FYB1: variants seen among roughly 807,000 people sequenced by gnomAD.
FYB1 encodes FYN binding protein 1.
FYB1 carries 41 observed loss-of-function variants against 94.1 expected under a neutral mutation model. The ratio of observed to expected loss-of-function variants is 0.44; its 90% CI spans 0.34 to 0.57. The LOEUF (loss-of-function observed/expected upper bound fraction) is 0.57, where lower values mean the gene tolerates loss of function less well. Among genes scored for constraint, FYB1 ranks in the 20% least tolerant of loss-of-function variants. FYB1 has a pLI of 0.02. For missense variants in FYB1, 1,050 were observed against 976.8 expected, an observed-to-expected ratio of 1.07 and a Z score of -1.00; for synonymous variants, 367 against 353.2, an observed-to-expected ratio of 1.04 and a Z score of -0.44.
At chr5:39,244,778 T>C (rs1022316603) in intron 1 of FYB1, among the ~76,000 whole-genome samples, 2 of 152,188 alleles carry the variant, frequency 1.3e-5, no homozygotes, top group African/African-American at 4.8e-5. Context: ...CCTGGACTTT[T>C]TTTGGTTGGT....
intron 16 of FYB1, among the ~76,000 whole-genome samples, chr5:39,114,208 T>C (rs1260938467): frequency 6.6e-6 from 1 of 152,152 alleles, no homozygotes; most frequent in East Asian, 1.9e-4. Flanking sequence ...GAAAATTTTT[T>C]TCAGTGACAG....
chr5:39,244,412 C>A (rs1751372260), intron 1 of FYB1, among the ~76,000 whole-genome samples: 1 of 150,824 alleles, frequency 6.6e-6, no homozygotes, highest in South Asian at 2.1e-4. Context: ...TGTTTTTTGT[C>A]TTTGGTTCTG....
chr5:39,182,211 A>G (rs1746306156), intron 2 of FYB1, among the ~76,000 whole-genome samples: 1 of 151,854 alleles, frequency 6.6e-6, no homozygotes, highest in Non-Finnish European at 1.5e-5. Context: ...TCATCTTCTT[A>G]TCATTCCTCA....
intron 1 of FYB1, among the ~76,000 whole-genome samples, chr5:39,213,536 A>G (rs1179847135): frequency 1.3e-5 from 2 of 152,228 alleles, no homozygotes; most frequent in Non-Finnish European, 2.9e-5. Flanking sequence ...AGAGCAAGGC[A>G]TGGGGTTTAT....
At chr5:39,133,630 T>C (rs1371902049) in intron 9 of FYB1, among the ~76,000 whole-genome samples, 1 of 152,060 alleles carries the variant, frequency 6.6e-6, no homozygotes, top group Non-Finnish European at 1.5e-5. Flanking sequence ...ATTCTGTTCC[T>C]CTATACCAGG....
chr5:39,230,527 ATATATATG>A (rs1750675298), intron 1 of FYB1, among the ~76,000 whole-genome samples: 1 of 152,006 alleles, frequency 6.6e-6, no homozygotes, highest in African/African-American at 2.4e-5. Flanking sequence ...GTCACAGCAT[ATATATATG>A]TATATATGTA....
chr5:39,224,314 C>T (rs193179780), upstream of FYB1, among the ~76,000 whole-genome samples: 51 of 152,180 alleles, frequency 3.4e-4, no homozygotes, highest in Non-Finnish European at 5.4e-4. Context: ...ACAGTCCTGA[C>T]GGTTTCCCTT....
Position 39,256,887 on chromosome 5 carries a change from C to G in FYB1, c.-28+17516G>C, listed in dbSNP as rs80112922. ...AAAGTGAATGTAACTACTTTTATTT[C>G]AAAGTTGCAATGAGTAAAAGTGATG... On this transcript the variant is annotated intron_variant, in intron 1 of 1. Coordinates refer to the FYB1 transcript ENST00000510188. Among the ~76,000 whole-genome samples the G allele has an allele frequency of 1.5e-3, 229 of 152,252 alleles. 5 individuals carry two copies. In the East Asian group the frequency reaches 0.037, roughly 25 times the overall value.
chr5:39,109,465 T>C lies in FYB1; in HGVS notation c.2435+891A>G, dbSNP rs148812112. Among the ~76,000 whole-genome samples, 1,070 of 152,194 alleles carry C rather than the reference T, an allele frequency of 7.0e-3. 57 individuals carry two copies. In the East Asian group the frequency reaches 0.13, roughly 18 times the overall value. Reference sequence around the variant, plus strand: ...CATTCTGTCCTTAAAATTTGTATCTTTCATAGAACAAAACCTATTGAAAGT... The same window carrying C: ...CATTCTGTCCTTAAAATTTGTATCTCTCATAGAACAAAACCTATTGAAAGT... On this transcript the variant is annotated intron_variant, in intron 17 of 18. Transcript: ENST00000512982.
intron 1 of FYB1, among the ~76,000 whole-genome samples, chr5:39,267,105 G>A (rs1305327216): frequency 6.6e-6 from 1 of 152,152 alleles, no homozygotes; most frequent in African/African-American, 2.4e-5. Context: ...AGAAAACAGG[G>A]GGAATAGGAA....
At chr5:39,203,210 G>T (rs61103300) in intron 1 of FYB1, among the ~76,000 whole-genome samples, 1 of 151,900 alleles carries the variant, frequency 6.6e-6, no homozygotes, top group Admixed American at 6.6e-5. Context: ...TGCTTATCTC[G>T]GACTGACTTG....
chr5:39,125,889 G>T, intron 12 of FYB1, 109 bp downstream of exon 12: 1 of 1,089,036 alleles, frequency 9.2e-7, no homozygotes. Flanking sequence ...GCATTAAGAT[G>T]ATTTAAGTCT....
chr5:39,164,508 T>C (rs1031388732), intron 2 of FYB1, among the ~76,000 whole-genome samples: 1 of 152,154 alleles, frequency 6.6e-6, no homozygotes, highest in African/African-American at 2.4e-5. Flanking sequence ...GACTGCAACA[T>C]CCACTTCCCA....
intron 1 of FYB1, among the ~76,000 whole-genome samples, chr5:39,204,112 T>C (rs1748625270): frequency 6.6e-6 from 1 of 152,090 alleles, no homozygotes; most frequent in Non-Finnish European, 1.5e-5. Flanking sequence ...CCCAGGCACA[T>C]TTCATCTTTC....
intron 2 of FYB1, among the ~76,000 whole-genome samples, chr5:39,177,435 T>C (rs1209312541): frequency 6.6e-6 from 1 of 152,140 alleles, no homozygotes; most frequent in Non-Finnish European, 1.5e-5. Flanking sequence ...AATGAGAAGG[T>C]GGTCAAAGAA....
intron 2 of FYB1, among the ~76,000 whole-genome samples, chr5:39,191,273 A>G (rs560329019): frequency 1.3e-4 from 20 of 152,264 alleles, no homozygotes; most frequent in African/African-American, 3.9e-4. Flanking sequence ...AAGAGAAGAG[A>G]AGCGTGTCCC....
At chr5:39,156,451 A>T (rs186776931) in intron 2 of FYB1, among the ~76,000 whole-genome samples, 8 of 152,338 alleles carry the variant, frequency 5.3e-5, no homozygotes, top group African/African-American at 1.9e-4. Flanking sequence ...GAAGCAGGGC[A>T]AGAGATGGAA....
At chr5:39,153,329 G>T in intron 3 of FYB1, 119 bp downstream of exon 3, 1 of 1,253,094 alleles carries the variant, frequency 8.0e-7, no homozygotes, top group Non-Finnish European at 1.2e-6. Flanking sequence ...CTCCCTGCCA[G>T]CTGCCCACTT....
chr5:39,246,285 A>C (rs187606091), intron 1 of FYB1, among the ~76,000 whole-genome samples: 4 of 152,266 alleles, frequency 2.6e-5, no homozygotes, highest in Admixed American at 2.6e-4. Context: ...CTAACCCATA[A>C]AATTGTAGAT....
Sources: gnomAD v4.1 joint callset for allele counts (sites outside exome capture counted in the v4.1 genomes callset) on GRCh38, gnomAD v4.1.1 for gene constraint, MANE v1.5 for transcripts, NCBI Gene and HGNC (gene_info 2026-07-23, HGNC 2026-07-21) for gene names.